LIPE: variants seen among roughly 807,000 people sequenced by gnomAD.
The protein encoded by LIPE is lipase E, hormone sensitive type, also known as hormone-sensitive lipase.
A neutral mutation model predicts 88.5 loss-of-function variants in LIPE; 66 were observed. That is an observed-to-expected ratio of 0.75 (90% confidence interval 0.61 to 0.91). The LOEUF is 0.91. LIPE is among the 40% of genes least tolerant of loss of function. The pLI is 0.00. For missense variants in LIPE, 1,346 were observed against 1,434.7 expected (o/e 0.94, Z 1.00); for synonymous variants, 570 against 617.5 (o/e 0.92, Z 1.14).
chr19:42,405,655 G>A (rs112707320), intron 7 of LIPE, 94 bp from the exon 8 acceptor site: 28 of 1,235,660 alleles, frequency 2.3e-5, no homozygotes, highest in Middle Eastern at 2.3e-4. Context: ...CCAGGGACCC[G>A]AGAATATCCA....
chr19:42,405,339 C>G, intron 8 of LIPE, 46 bp downstream of exon 8: 1 of 1,593,252 alleles, frequency 6.3e-7, no homozygotes, highest in Non-Finnish European at 8.6e-7. Context: ...TAGGCTGTCC[C>G]TCCTGCCCAC....
rs1220880401 is a variant in LIPE at position 42,402,670 on chromosome 19, G to C, written c.2904C>G (p.Pro968=). 6.7e-7 allele frequency: 1 copy of C among 1,502,008 alleles called. No individual in the cohort carries two copies. The highest frequency in any genetic ancestry group is 8.9e-7 in the Non-Finnish European group (1 of 1,123,544). The allele number at this position is 1,502,008 out of a possible 1,614,324, so 93.0% of individuals were successfully genotyped here. ...PLYSSPIVKN[P]FMSPLLAPDS... ...CGGGTGCCAGCAGCGGCGACATGAA[G>C]GGGTTCTTGACTATGGGTGAGGAGT... Residue 968 remains proline (P), a synonymous_variant, in exon 9 of 10, where the codon CCC becomes CCG. Transcript: ENST00000244289.
intron 1 of LIPE, among the ~76,000 whole-genome samples, chr19:42,421,997 G>A (rs1253933913): frequency 2.6e-5 from 4 of 152,232 alleles, no homozygotes; most frequent in Admixed American, 6.5e-5. Flanking sequence ...TAAGGGAAGC[G>A]TGATTATTAT....
At chr19:42,416,876 A>G (rs2040497878) in intron 1 of LIPE, among the ~76,000 whole-genome samples, 1 of 152,214 alleles carries the variant, frequency 6.6e-6, no homozygotes, top group Non-Finnish European at 1.5e-5. Flanking sequence ...TCTGCAGCCC[A>G]CCAGCCAAGG....
At chr19:42,424,326 C>T (rs2040665951) in intron 1 of LIPE, 3 of 458,358 alleles carry the variant, frequency 6.5e-6, no homozygotes, top group Non-Finnish European at 1.3e-5. Context: ...ACAGAGGAGG[C>T]TCGAGGCTTG....
rs557389656 is a variant in LIPE at position 42,405,649 on chromosome 19, G to C, written c.2366-88C>G. The C allele has an allele frequency of 5.3e-6, 7 of 1,322,684 alleles. No individual in the cohort carries two copies. The African/African-American group carries it at 8.8e-5, about 17-fold the overall frequency. The allele number at this position is 1,322,684 out of a possible 1,614,324, so 81.9% of individuals were successfully genotyped here. A position where few individuals can be genotyped will look rare whatever the true frequency, so the allele number is the denominator to read the frequency against. On this transcript the variant is annotated intron_variant, in intron 7 of 9. Transcript: ENST00000244289. ...GAACTTCAGGCATCTGTGGTCCCAGGGACCCGAGAATATCCAATCGCTTCA... is the reference window on the plus strand; with the variant it reads ...GAACTTCAGGCATCTGTGGTCCCAGCGACCCGAGAATATCCAATCGCTTCA...
chr19:42,403,378 GT>G (rs1276657597), intron 8 of LIPE, among the ~76,000 whole-genome samples: 1 of 151,730 alleles, frequency 6.6e-6, no homozygotes, highest in South Asian at 2.1e-4. Context: ...TGGTTCATAG[GT>G]GGCAGGACTC....
In LIPE at chr19:42,408,202, G is replaced by A. The variant is rs369590628; in HGVS notation, c.1510+30C>T. 1 of 1,613,802 alleles carries A rather than the reference G, an allele frequency of 6.2e-7. No individual in the cohort carries two copies. The highest frequency in any genetic ancestry group is 8.5e-7 in the Non-Finnish European group (1 of 1,179,722). On this transcript the variant is annotated intron_variant, in intron 3 of 9. Coordinates refer to ENST00000244289, the MANE Select transcript of LIPE (RefSeq NM_005357.4). This position sits in a 1 kb window ranked among gnomAD's most constrained non-coding sequence, Gnocchi z 4.3. ...AGTGGGGAGGAGGGCCAAGAGAGTAGGCTGCGAGTAGAACCTGGCTGGGAC... is the reference window on the plus strand; with the variant it reads ...AGTGGGGAGGAGGGCCAAGAGAGTAAGCTGCGAGTAGAACCTGGCTGGGAC...
chr19:42,404,421 G>T (rs1024083928), intron 8 of LIPE, among the ~76,000 whole-genome samples: 2 of 152,194 alleles, frequency 1.3e-5, no homozygotes, highest in South Asian at 2.1e-4. Flanking sequence ...AGTAGGGATG[G>T]GGTTTCACCA....
At chr19:42,409,729 T>C (rs1235765190) in intron 2 of LIPE, among the ~76,000 whole-genome samples, 2 of 152,364 alleles carry the variant, frequency 1.3e-5, no homozygotes, top group African/African-American at 4.8e-5. Context: ...CTCTTTCTCA[T>C]GACTCTAGGG....
rs1319570219 is a variant in LIPE, at chr19:42,426,678, C to T, written c.472G>A (p.Ala158Thr). 6.2e-7 allele frequency: 1 copy of T among 1,614,066 alleles called. No individual in the cohort carries two copies. The highest frequency in any genetic ancestry group is 1.7e-5 in the Admixed American group (1 of 60,002). ...TTGGCTCCAGGTTTAGCCTGGGCCGCAGGTGTTGATTCAGCTTCTTGTTGA... is the reference window on the plus strand; with the variant it reads ...TTGGCTCCAGGTTTAGCCTGGGCCGTAGGTGTTGATTCAGCTTCTTGTTGA... ...PAQQEAESTP[A>T]AQAKPGAKRE... Residue 158 changes from alanine to threonine, a missense_variant, in exon 1 of 10, where the codon GCG becomes ACG. Transcript: ENST00000244289.
intron 1 of LIPE, among the ~76,000 whole-genome samples, chr19:42,419,819 C>T (rs928754630): frequency 6.6e-6 from 1 of 151,918 alleles, no homozygotes; most frequent in Non-Finnish European, 1.5e-5. Context: ...GCTGGATCCC[C>T]GAGAGTGTGT....
At chr19:42,422,765 C>G (rs1026079213) in intron 1 of LIPE, among the ~76,000 whole-genome samples, 1 of 152,142 alleles carries the variant, frequency 6.6e-6, no homozygotes, top group Non-Finnish European at 1.5e-5. Flanking sequence ...TTCCCTTTTG[C>G]TGAGGCAGGT....
chr19:42,407,035 G>GGCAGGACCTGGGTGA lies in LIPE; in HGVS notation c.2137+124_2137+138dup. The GGCAGGACCTGGGTGA allele has an allele frequency of 1.3e-6, 1 of 746,326 alleles. No individual in the cohort carries two copies. Among genetic ancestry groups the GGCAGGACCTGGGTGA allele is most frequent in the Non-Finnish European group, 2.1e-6 (1 of 473,390 alleles). 46.2% of individuals were successfully genotyped at this position (746,326 alleles called of 1,614,324 possible). A position where few individuals can be genotyped will look rare whatever the true frequency, so the allele number is the denominator to read the frequency against. On this transcript the variant is annotated intron_variant, in intron 6 of 9. Coordinates refer to ENST00000244289, the MANE Select transcript of LIPE (RefSeq NM_005357.4). This position sits in a 1 kb window ranked among gnomAD's most constrained non-coding sequence, Gnocchi z 5.8. ...ATAAAGTGGCTGAGGTGGAAGATTG[G>GGCAGGACCTGGGTGA]GCAGGACCTGGGTGAGCAGGAGCTG... is the stretch of plus-strand genomic sequence containing the variant.
At position 42,421,000 on chromosome 19, in the gene LIPE, T is replaced by C. The variant is rs954259974; in HGVS notation, c.883+5267A>G. On this transcript the variant is annotated intron_variant, in intron 1 of 9. Transcript: ENST00000244289. ...TGCAGCCTCAACCTCCTGGGCTCAA[T>C]TGATCCTCCCACCTCAGCCTCCCAA... is the stretch of plus-strand genomic sequence containing the variant. Among the ~76,000 whole-genome samples, 6 of 152,172 alleles carry C rather than the reference T, an allele frequency of 3.9e-5. No homozygotes were observed. In the South Asian group the frequency reaches 6.2e-4, roughly 16 times the overall value.
chr19:42,405,487 C>G lies in LIPE; in HGVS notation c.2440G>C (p.Ala814Pro). 6.2e-7 allele frequency: 1 copy of G among 1,614,124 alleles called. No individual in the cohort carries two copies. The highest frequency in any genetic ancestry group is 8.5e-7 in the Non-Finnish European group (1 of 1,180,010). The change falls in exon 8 of 10, where the codon GCC (alanine) becomes CCC (proline). Residue 814 changes from alanine to proline, a missense_variant. Coordinates refer to ENST00000244289, the MANE Select transcript of LIPE (RefSeq NM_005357.4). ...AGGCGGAAGTCTCGGAGGAGCAGGG[C>G]TGTGTCCCGCCGCACCAGCCCCATC... The part of the protein sequence containing the change: ...GMMGLVRRDT[A>P]LLLRDFRLGA...
At chr19:42,413,136 T>G (rs894933557) in intron 1 of LIPE, among the ~76,000 whole-genome samples, 32 of 152,220 alleles carry the variant, frequency 2.1e-4, no homozygotes, top group African/African-American at 7.5e-4. Flanking sequence ...GGCCTCAGCT[T>G]GTCACTTCCA....
intron 1 of LIPE, among the ~76,000 whole-genome samples, chr19:42,419,420 G>A (rs34742063): frequency 2.6e-5 from 4 of 152,324 alleles, no homozygotes; most frequent in Admixed American, 1.3e-4. Flanking sequence ...TGTTCCAGGC[G>A]GCTCCCCGAG....
chr19:42,413,558 C>T (rs778412825), intron 1 of LIPE, among the ~76,000 whole-genome samples: 2 of 152,118 alleles, frequency 1.3e-5, no homozygotes, highest in East Asian at 1.9e-4. Flanking sequence ...CCCAGCTACT[C>T]GGGAGGCGGA....
Sources: allele counts gnomAD v4.1 joint callset (sites outside exome capture counted in the v4.1 genomes callset), GRCh38; gene constraint gnomAD v4.1.1; non-coding constraint Gnocchi (gnomAD v3.1); transcripts MANE v1.5; gene names NCBI Gene and HGNC (gene_info 2026-07-23, HGNC 2026-07-21).